The following HDAC9 variants were observed in gnomAD, a reference collection of about 807,000 sequenced individuals.
HDAC9 encodes the protein MEF-2 interacting transcription repressor (MITR) protein.
A neutral mutation model predicts 139.4 loss-of-function variants in HDAC9; 41 were observed. The ratio of observed to expected loss-of-function variants is 0.29; its 90% confidence interval spans 0.23 to 0.38. HDAC9 has a LOEUF of 0.38. HDAC9 is among the 10% of genes least tolerant of loss of function. The probability of loss-of-function intolerance (pLI) is 1.00; values close to 1 mark genes in which losing one functional copy is unlikely to be tolerated. For synonymous variants in HDAC9, 517 were observed against 476.2 expected (o/e 1.09, Z -1.12); for missense variants, 1,147 against 1,297.0 (o/e 0.88, Z 1.78).
intron 12 of HDAC9, among the ~76,000 whole-genome samples, chr7:18,669,290 G>T (rs190591760): frequency 6.6e-6 from 1 of 151,656 alleles, no homozygotes; most frequent in African/African-American, 2.4e-5. Context: ...TCCAAGTGTC[G>T]TAATAATTAT....
chr7:18,461,220 T>G (rs1793818720), intron 1 of HDAC9, among the ~76,000 whole-genome samples: 1 of 152,188 alleles, frequency 6.6e-6, no homozygotes, highest in African/African-American at 2.4e-5. Flanking sequence ...TAATTGATTT[T>G]TAGAATGCAA....
At chr7:18,724,472 G>T (rs1785377692) in intron 12 of HDAC9, among the ~76,000 whole-genome samples, 1 of 152,154 alleles carries the variant, frequency 6.6e-6, no homozygotes, top group South Asian at 2.1e-4. Context: ...CACTTAGAAT[G>T]AGTGGAGCTT....
intron 1 of HDAC9, among the ~76,000 whole-genome samples, chr7:18,353,381 A>G (rs1453030362): frequency 1.3e-5 from 2 of 152,254 alleles, no homozygotes; most frequent in South Asian, 2.1e-4. Flanking sequence ...GTAGGTTATG[A>G]AAGACTTTTC....
intron 2 of HDAC9, among the ~76,000 whole-genome samples, chr7:18,184,950 T>TTCTA (rs1789789365): frequency 6.6e-6 from 1 of 152,244 alleles, no homozygotes; most frequent in South Asian, 2.1e-4. Context: ...CTATTTCTTT[T>TTCTA]TCTAGTACTG....
rs185912594 is a variant in HDAC9 at position 18,316,310 on chromosome 7, A to G, written c.-42+25795A>G. ...AGGAGCTGTTAAAGTTTGTATTAACAGAATATTTCTGTTGATAACTTTGCA... is the reference window on the plus strand; with the variant it reads ...AGGAGCTGTTAAAGTTTGTATTAACGGAATATTTCTGTTGATAACTTTGCA... On this transcript the variant is annotated intron_variant, in intron 1 of 3. Coordinates refer to the HDAC9 transcript ENST00000413509. Among the ~76,000 whole-genome samples, 92 of 152,354 alleles carry G rather than the reference A, an allele frequency of 6.0e-4. No individual in the cohort carries two copies. The East Asian group carries it at 9.6e-3, about 16-fold the overall frequency.
intron 1 of HDAC9, among the ~76,000 whole-genome samples, chr7:18,355,614 A>G (rs1783196684): frequency 6.6e-6 from 1 of 152,172 alleles, no homozygotes; most frequent in Non-Finnish European, 1.5e-5. Context: ...TTTCAGAGAC[A>G]TTAGAGACAA....
intron 6 of HDAC9, among the ~76,000 whole-genome samples, chr7:18,601,523 CAGG>C (rs1276097111): frequency 6.6e-6 from 1 of 151,830 alleles, no homozygotes; most frequent in Non-Finnish European, 1.5e-5. Flanking sequence ...AGATGTCGAG[CAGG>C]AGAAGTAAAA....
chr7:18,640,184 G>A lies in HDAC9; in HGVS notation c.913-4487G>A, dbSNP rs368274721. On this transcript the variant is annotated intron_variant, in intron 8 of 25. Transcript: ENST00000686413. ...AGGCTGAGGTGGGAGGATAACTTGA[G>A]GCCTGGAGTTTAAGACGAGCCTGGG... 2.6e-5 allele frequency among the ~76,000 whole-genome samples: 4 copies of A among 150,964 alleles called. No individual in the cohort carries two copies. The East Asian group carries it at 7.9e-4, about 30-fold the overall frequency.
intron 16 of HDAC9, among the ~76,000 whole-genome samples, chr7:18,778,710 G>A (rs1224225158): frequency 6.6e-6 from 1 of 151,992 alleles, no homozygotes; most frequent in Non-Finnish European, 1.5e-5. Flanking sequence ...ATATTACTTG[G>A]TAAATCTATG....
chr7:18,796,955 A>G (rs1031666450), intron 17 of HDAC9, among the ~76,000 whole-genome samples: 1 of 152,214 alleles, frequency 6.6e-6, no homozygotes, highest in Non-Finnish European at 1.5e-5. Flanking sequence ...AACAAAAAAA[A>G]TCCTAAACAC....
chr7:18,648,659 C>T lies in HDAC9; in HGVS notation c.1443C>T (p.Tyr481=). 6.2e-7 allele frequency: 1 copy of T among 1,612,812 alleles called. No individual in the cohort carries two copies. Among genetic ancestry groups the T allele is most frequent in the South Asian group, 1.1e-5 (1 of 91,016 alleles). ...HQQFLEKQKQ[Y]QQQIHMNKLL... ...AATTCTTGGAGAAGCAGAAGCAATACCAGCAGCAGATCCACATGAACAAAG... is the reference window on the plus strand; with the variant it reads ...AATTCTTGGAGAAGCAGAAGCAATATCAGCAGCAGATCCACATGAACAAAG... The change falls in exon 11 of 26, where the codon TAC becomes TAT. Residue 481 remains tyrosine (Y), a synonymous_variant. Coordinates refer to ENST00000686413, the MANE Select transcript of HDAC9 (RefSeq NM_178425.4).
chr7:18,952,797 C>G (rs536586892), intron 23 of HDAC9, among the ~76,000 whole-genome samples: 1 of 149,166 alleles, frequency 6.7e-6, no homozygotes, highest in African/African-American at 2.5e-5. Context: ...CTTGTACTGC[C>G]ACAGAGCGGT....
At chr7:18,291,357 G>A (rs1015088) in intron 1 of HDAC9, among the ~76,000 whole-genome samples, 57,848 of 151,746 alleles carry the variant, frequency 0.38, 13,234 homozygotes, top group African/African-American at 0.65. Flanking sequence ...ATTTGGTTCT[G>A]TCACAATCCA....
intron 1 of HDAC9, among the ~76,000 whole-genome samples, chr7:18,406,002 A>C (rs1272559774): frequency 6.6e-6 from 1 of 152,206 alleles, no homozygotes. Context: ...AGGAGTTATC[A>C]CACAAACAGT....
At chr7:18,728,150 T>C (rs1562887573) in intron 13 of HDAC9, among the ~76,000 whole-genome samples, 1 of 152,194 alleles carries the variant, frequency 6.6e-6, no homozygotes, top group Non-Finnish European at 1.5e-5. Context: ...CAGTTTGTTT[T>C]TTTGTTTGTT....
intron 1 of HDAC9, among the ~76,000 whole-genome samples, chr7:18,161,693 C>T (rs892423127): frequency 2.6e-5 from 4 of 152,128 alleles, no homozygotes; most frequent in Admixed American, 6.5e-5. Flanking sequence ...AACAAGATTA[C>T]AAAAGACCTC....
intron 5 of HDAC9, among the ~76,000 whole-genome samples, chr7:18,593,218 A>G (rs1035413595): frequency 1.2e-4 from 19 of 152,080 alleles, no homozygotes; most frequent in African/African-American, 4.3e-4. Flanking sequence ...TGTCCTGTTC[A>G]TTGTTTTCAT....
chr7:18,568,256 A>G (rs1327464593), intron 2 of HDAC9, among the ~76,000 whole-genome samples: 5 of 152,200 alleles, frequency 3.3e-5, no homozygotes, highest in African/African-American at 1.2e-4. Context: ...AATATTATAC[A>G]GGATCTTTCA....
chr7:18,945,541 T>C (rs1298861818), intron 23 of HDAC9, among the ~76,000 whole-genome samples: 1 of 152,230 alleles, frequency 6.6e-6, no homozygotes, highest in Non-Finnish European at 1.5e-5. Context: ...TTGTAATCTG[T>C]TTAAGTATTC....
Sources: gnomAD v4.1 joint callset for allele counts (sites outside exome capture counted in the v4.1 genomes callset) on GRCh38, gnomAD v4.1.1 for gene constraint, MANE v1.5 for transcripts, NCBI Gene and HGNC (gene_info 2026-07-23, HGNC 2026-07-21) for gene names.